BDNF: variants seen among roughly 807,000 people sequenced by gnomAD.
The protein encoded by BDNF is brain derived neurotrophic factor.
In BDNF, 1 loss-of-function variant was observed where a neutral mutation model predicts 19.5. The observed-to-expected ratio is 0.05, with a 90% CI of 0.02 to 0.24. BDNF has a LOEUF of 0.24. Ranked by LOEUF, BDNF falls within the 10% of genes least tolerant of loss-of-function variation. The probability of loss-of-function intolerance (pLI) is 1.00; values close to 1 mark genes in which losing one functional copy is unlikely to be tolerated. For missense variants in BDNF, 195 were observed against 317.6 expected (o/e 0.61, Z 2.93); for synonymous variants, 100 against 121.6 (o/e 0.82, Z 1.17).
upstream of BDNF, chr11:27,700,688 G>T: frequency 1.7e-6 from 2 of 1,156,652 alleles, no homozygotes; most frequent in South Asian, 1.8e-5. Flanking sequence ...CCTCCCCTAG[G>T]GCCCCGCGAC....
At chr11:27,699,478 C>G in intron 1 of BDNF, 2 of 1,614,102 alleles carry the variant, frequency 1.2e-6, no homozygotes, top group Non-Finnish European at 8.5e-7. Flanking sequence ...AAACTCTTAA[C>G]TTCCCTGGAG....
upstream of BDNF, among the ~76,000 whole-genome samples, chr11:27,705,377 T>A (rs1013415746): frequency 2.2e-4 from 34 of 152,194 alleles, no homozygotes; most frequent in African/African-American, 8.0e-4. Flanking sequence ...CATTAGCTTA[T>A]TTTTGAGACT....
chr11:27,700,544 C>A, upstream of BDNF: 1 of 874,900 alleles, frequency 1.1e-6, no homozygotes, highest in Non-Finnish European at 1.4e-6. Flanking sequence ...GCCCCCCGCC[C>A]CCCGCTCCCC....
intron 1 of BDNF, among the ~76,000 whole-genome samples, chr11:27,659,857 G>C (rs894734478): frequency 6.6e-6 from 1 of 152,170 alleles, no homozygotes; most frequent in African/African-American, 2.4e-5. Flanking sequence ...CTACAAGCAT[G>C]CTCTAGGAAG....
intron 1 of BDNF, among the ~76,000 whole-genome samples, chr11:27,664,097 A>G (rs1853920436): frequency 6.6e-6 from 1 of 152,108 alleles, no homozygotes; most frequent in Admixed American, 6.6e-5. Context: ...GTGTAATCAG[A>G]GAAAACACAG....
intron 1 of BDNF, chr11:27,697,988 T>C (rs1859325818): frequency 1.3e-5 from 2 of 152,128 alleles, no homozygotes; most frequent in Non-Finnish European, 2.9e-5. Flanking sequence ...TAACTTAAAA[T>C]AGTTCCACAT....
chr11:27,695,566 G>A (rs948307366), intron 1 of BDNF, among the ~76,000 whole-genome samples: 10 of 152,106 alleles, frequency 6.6e-5, no homozygotes, highest in Admixed American at 2.6e-4. Context: ...TTCAAAATCA[G>A]GACATTACTA....
At chr11:27,702,197 A>G (rs1859934404), upstream of BDNF, among the ~76,000 whole-genome samples, 1 of 152,240 alleles carries the variant, frequency 6.6e-6, no homozygotes, top group South Asian at 2.1e-4. Flanking sequence ...AGAATAAAGA[A>G]TAAGACAGCA....
chr11:27,675,155 T>C (rs1855912251), intron 1 of BDNF: 2 of 153,198 alleles, frequency 1.3e-5, no homozygotes, highest in South Asian at 2.1e-4. Flanking sequence ...GGCAGAAATA[T>C]CCTGCAGACC....
chr11:27,686,101 T>G (rs1384922192), intron 1 of BDNF, among the ~76,000 whole-genome samples: 1 of 152,208 alleles, frequency 6.6e-6, no homozygotes, highest in Non-Finnish European at 1.5e-5. Flanking sequence ...CATATATGTT[T>G]AGGATAGTTA....
Position 27,657,293 on chromosome 11 carries a change from T to G in BDNF, c.*528A>C. The G allele has an allele frequency of 1.0e-6, 1 of 985,680 alleles. No homozygotes were observed. Among genetic ancestry groups the G allele is most frequent in the Non-Finnish European group, 1.2e-6 (1 of 830,466 alleles). The allele number at this position is 985,680 out of a possible 1,614,324, so 61.1% of individuals were successfully genotyped here. ...ACAAAAATATACCCCCCATCCCCCA[T>G]CCCCTAAGCCAGTAAAGCAATGACA... On this transcript the variant is annotated 3_prime_UTR_variant, in exon 2 of 2. Coordinates refer to ENST00000356660, the MANE Select transcript of BDNF (RefSeq NM_001709.5). This position sits in a 1 kb window ranked among gnomAD's most constrained non-coding sequence, Gnocchi z 5.0.
At chr11:27,702,228 T>A (rs2049046), upstream of BDNF, among the ~76,000 whole-genome samples, 72,346 of 152,024 alleles carry the variant, frequency 0.48, 17,422 homozygotes, top group Admixed American at 0.54. Context: ...TAACTTGGAG[T>A]CCCTGGACCT....
upstream of BDNF, chr11:27,700,578 G>T: frequency 1.1e-6 from 1 of 933,152 alleles, no homozygotes; most frequent in African/African-American, 2.2e-5. Context: ...ACCGATACCC[G>T]TTCGAGGCGG....
rs1178924447 is a variant in BDNF, at chr11:27,656,333, G to A, written c.*1488C>T. ...CCAATTTTATGCAAAATTATCCAGA[G>A]GTGGGATGGTGGGCATAAGTCGGCT... On this transcript the variant is annotated 3_prime_UTR_variant, in exon 2 of 2. Coordinates refer to ENST00000356660, the MANE Select transcript of BDNF (RefSeq NM_001709.5). 1 of 165,634 alleles carries A rather than the reference G, an allele frequency of 6.0e-6. No homozygotes were observed. Among genetic ancestry groups the A allele is most frequent in the African/African-American group, 2.4e-5 (1 of 41,682 alleles). The allele number at this position is 165,634 out of a possible 1,614,324, so 10.3% of individuals were successfully genotyped here.
At chr11:27,718,396 G>A (rs1185194895) in intron 1 of BDNF, among the ~76,000 whole-genome samples, 1 of 110,986 alleles carries the variant, frequency 9.0e-6, no homozygotes, top group Non-Finnish European at 1.7e-5. Context: ...AAATCTCCCA[G>A]TTCTGCGTTC....
intron 1 of BDNF, among the ~76,000 whole-genome samples, chr11:27,697,090 T>C (rs1859102695): frequency 6.6e-6 from 1 of 150,400 alleles, no homozygotes; most frequent in Non-Finnish European, 1.5e-5. Context: ...TATTTCACAG[T>C]TCACAGTTCT....
At chr11:27,717,611 G>C (rs145456955) in intron 1 of BDNF, among the ~76,000 whole-genome samples, 1 of 152,284 alleles carries the variant, frequency 6.6e-6, no homozygotes, top group African/African-American at 2.4e-5. Context: ...GGGTATAAAA[G>C]TAGGCTAGGT....
intron 1 of BDNF, among the ~76,000 whole-genome samples, chr11:27,693,777 C>T (rs1858613715): frequency 6.6e-6 from 1 of 152,126 alleles, no homozygotes; most frequent in African/African-American, 2.4e-5. Context: ...TTAATTTGGG[C>T]ATAGTTTCAG....
intron 1 of BDNF, chr11:27,699,717 T>TC (rs1025659240): frequency 4.9e-5 from 67 of 1,365,698 alleles, no homozygotes; most frequent in Non-Finnish European, 6.2e-5. Context: ...TCCCTCCCAC[T>TC]CCCCCCGCAA....
Sources: allele counts gnomAD v4.1 joint callset (sites outside exome capture counted in the v4.1 genomes callset), GRCh38; gene constraint gnomAD v4.1.1; non-coding constraint Gnocchi (gnomAD v3.1); transcripts MANE v1.5; gene names NCBI Gene and HGNC (gene_info 2026-07-23, HGNC 2026-07-21).